Variants in CFAP74 observed in about 807,000 individuals in gnomAD.
The protein encoded by CFAP74 is cilia and flagella associated protein 74, also known as cilia- and flagella-associated protein 74.
In CFAP74, 124 loss-of-function variants were observed where a neutral mutation model predicts 188.9. The observed-to-expected ratio is 0.66, with a 90% CI of 0.57 to 0.76. The LOEUF is 0.76. Ranked by LOEUF, CFAP74 falls within the 30% of genes least tolerant of loss-of-function variation. The pLI, the probability that CFAP74 is intolerant of heterozygous loss-of-function variation, is 0.00. For missense variants in CFAP74, 2,198 were observed against 2,165.2 expected (o/e 1.02, Z -0.30); for synonymous variants, 956 against 916.7 (o/e 1.04, Z -0.77).
At chr1:1,958,174 G>A (rs1422194901) in intron 16 of CFAP74, among the ~76,000 whole-genome samples, 1 of 152,248 alleles carries the variant, frequency 6.6e-6, no homozygotes, top group African/African-American at 2.4e-5. Flanking sequence ...AAGGTGGCTT[G>A]GGGCCAGCGT....
chr1:1,922,820 A>G, intron 37 of CFAP74, 97 bp from the exon 38 acceptor site: 1 of 1,497,724 alleles, frequency 6.7e-7, no homozygotes, highest in Non-Finnish European at 8.9e-7. Flanking sequence ...TCACCCTCCC[A>G]GCTCTGACCA....
chr1:1,973,065 C>A lies in CFAP74; in HGVS notation c.675-18G>T. ...GGGACTTCCTGTGGGGATATGGGGC[C>A]GTCAGAGGGAAACTCGGCATCACAC... On this transcript the variant is annotated intron_variant, in intron 7 of 38. Coordinates refer to ENST00000682832, the MANE Select transcript of CFAP74 (RefSeq NM_001304360.2). The surrounding 1 kb of genome is among the most constrained non-coding windows in gnomAD (Gnocchi z 6.2). 1.9e-6 allele frequency: 3 copies of A among 1,584,572 alleles called. 1 individual carries two copies. The South Asian group carries it at 3.3e-5, about 18-fold the overall frequency.
intron 9 of CFAP74, 142 bp downstream of exon 9, chr1:1,971,838 G>C: frequency 1.6e-6 from 1 of 643,234 alleles, no homozygotes; most frequent in East Asian, 2.7e-5. Context: ...GCACAGGCTC[G>C]GGAAGCCTCC....
Position 1,946,378 on chromosome 1 carries a change from A to C in CFAP74, c.2303T>G (p.Val768Gly). 3.3e-6 allele frequency: 5 copies of C among 1,536,920 alleles called. No individual in the cohort carries two copies. In the South Asian group the frequency reaches 5.9e-5, roughly 18 times the overall value. Reference sequence around the variant, plus strand: ...CCTGGCTTGGACGTCGCCTGGGACGACCGGAGTGAAGACGATGGGCACCTT... The same window carrying C: ...CCTGGCTTGGACGTCGCCTGGGACGCCCGGAGTGAAGACGATGGGCACCTT... ...SIKVPIVFTP[V>G]VPGDVQARFK... The change falls in exon 20 of 39, where the codon GTC becomes GGC. Residue 768 changes from valine (V) to glycine (G), a missense_variant. By Grantham distance (109) the Val-to-Gly change is moderately radical (BLOSUM62 -3). Coordinates refer to ENST00000682832, the MANE Select transcript of CFAP74 (RefSeq NM_001304360.2).
intron 18 of CFAP74, among the ~76,000 whole-genome samples, chr1:1,951,088 AG>A (rs1435141043): frequency 6.6e-6 from 1 of 152,190 alleles, no homozygotes; most frequent in Non-Finnish European, 1.5e-5. Context: ...TAAAGGAAAG[AG>A]GTTTAATTGA....
chr1:1,963,358 GGA>G (rs1655227124), intron 14 of CFAP74, among the ~76,000 whole-genome samples: 1 of 147,364 alleles, frequency 6.8e-6, no homozygotes, highest in Admixed American at 6.9e-5. Context: ...GGCTGAGGCA[GGA>G]GAATCTCTTG....
intron 15 of CFAP74, 23 bp downstream of exon 15, chr1:1,959,941 G>A (rs1460688237): frequency 1.9e-6 from 3 of 1,564,392 alleles, no homozygotes; most frequent in East Asian, 2.5e-5. Flanking sequence ...CCCTTCGAGA[G>A]AGAACGGGCC....
rs1310055056 is a variant in CFAP74 at position 1,923,818 on chromosome 1, C to G, written c.4346G>C (p.Ser1449Thr). Reference sequence around the variant, plus strand: ...CTGGAGCTTGTCGGAGAAGTAGAGGCTTTCGTGGTCGGGGCTGAAGGTGAC... The same window carrying G: ...CTGGAGCTTGTCGGAGAAGTAGAGGGTTTCGTGGTCGGGGCTGAAGGTGAC... Reference protein sequence around the residue: ...FTVTFSPDHESLYFSDKLQVV... With the variant: ...FTVTFSPDHETLYFSDKLQVV... The change falls in exon 35 of 39, where the codon AGC (serine) becomes ACC (threonine). Residue 1449 changes from serine (S) to threonine (T), a missense_variant. By Grantham distance (58) the Ser-to-Thr change is moderately conservative (BLOSUM62 1). Transcript: ENST00000682832. This position sits in a 1 kb window ranked among gnomAD's most constrained non-coding sequence, Gnocchi z 6.3. 6.2e-7 allele frequency: 1 copy of G among 1,613,370 alleles called. No individual in the cohort carries two copies. Among genetic ancestry groups the G allele is most frequent in the Non-Finnish European group, 8.5e-7 (1 of 1,179,860 alleles).
chr1:1,922,247 AG>A lies in CFAP74; in HGVS notation c.*39del. On this transcript the variant is annotated 3_prime_UTR_variant, in exon 39 of 39. Transcript: ENST00000682832. ...GGCCCTCAGCCTGGGGAGGGCTTTGAGGGTGGACAGGAGGGCCCGAGGGTGC... is the reference window on the plus strand; with the variant it reads ...GGCCCTCAGCCTGGGGAGGGCTTTGAGGTGGACAGGAGGGCCCGAGGGTGC... 6.7e-7 allele frequency: 1 copy of A among 1,501,824 alleles called. No individual in the cohort carries two copies. The highest frequency in any genetic ancestry group is 9.2e-7 in the Non-Finnish European group (1 of 1,084,612). 93.0% of individuals were successfully genotyped at this position (1,501,824 alleles called of 1,614,324 possible).
chr1:1,993,213 A>G (rs1404437939), intron 1 of CFAP74, among the ~76,000 whole-genome samples: 1 of 151,866 alleles, frequency 6.6e-6, no homozygotes, highest in Admixed American at 6.6e-5. Flanking sequence ...AAAAAAAAAA[A>G]AAAAAGAAAC....
At chr1:1,961,593 G>A (rs1383668531) in intron 14 of CFAP74, among the ~76,000 whole-genome samples, 3 of 152,078 alleles carry the variant, frequency 2.0e-5, no homozygotes, top group Non-Finnish European at 4.4e-5. Context: ...CTCTGCACGC[G>A]CCCTCCAGAA....
chr1:2,002,975 TAACTA>T (rs1658279487), intron 1 of CFAP74, among the ~76,000 whole-genome samples: 1 of 151,942 alleles, frequency 6.6e-6, no homozygotes, highest in Non-Finnish European at 1.5e-5. Context: ...AAGTGAAAGT[TAACTA>T]TATTGTTTAG....
chr1:1,987,487 C>T (rs574165792), intron 4 of CFAP74, among the ~76,000 whole-genome samples: 3 of 151,822 alleles, frequency 2.0e-5, no homozygotes, highest in Admixed American at 6.5e-5. Flanking sequence ...CTCCTGGGGG[C>T]GACTCAGGCC....
chr1:1,925,037 C>A (rs1166924402), intron 33 of CFAP74, among the ~76,000 whole-genome samples: 3 of 151,222 alleles, frequency 2.0e-5, no homozygotes, highest in African/African-American at 7.3e-5. Context: ...CATGAGGGCA[C>A]ACACTGGTCC....
At chr1:1,983,144 G>C (rs886746233) in intron 6 of CFAP74, among the ~76,000 whole-genome samples, 1 of 152,182 alleles carries the variant, frequency 6.6e-6, no homozygotes, top group Non-Finnish European at 1.5e-5. Context: ...CACGGAGGGG[G>C]AACGCTCCCC....
chr1:1,994,650 C>T (rs1212795105), intron 1 of CFAP74, among the ~76,000 whole-genome samples: 5 of 152,280 alleles, frequency 3.3e-5, no homozygotes, highest in East Asian at 1.9e-4. Context: ...GAATTCCATG[C>T]GGCCTCCGCG....
intron 1 of CFAP74, among the ~76,000 whole-genome samples, chr1:2,003,365 C>G: frequency 6.6e-6 from 1 of 152,130 alleles, no homozygotes; most frequent in Non-Finnish European, 1.5e-5. Flanking sequence ...GGCTATGGAC[C>G]ATGCTCTCCT....
intron 4 of CFAP74, among the ~76,000 whole-genome samples, chr1:1,987,612 G>A (rs1657320448): frequency 6.6e-6 from 1 of 152,034 alleles, no homozygotes; most frequent in African/African-American, 2.4e-5. Flanking sequence ...CGCGATCTCG[G>A]CTCACTGCAA....
At chr1:1,944,291 G>A in intron 21 of CFAP74, 40 bp downstream of exon 21, 1 of 1,526,026 alleles carries the variant, frequency 6.6e-7, no homozygotes. Context: ...CACCCCGTGT[G>A]CGTGGGTCAC....
Sources: gnomAD v4.1 joint callset for allele counts (sites outside exome capture counted in the v4.1 genomes callset) on GRCh38, gnomAD v4.1.1 for gene constraint, Gnocchi (gnomAD v3.1) non-coding constraint, MANE v1.5 for transcripts, NCBI Gene and HGNC (gene_info 2026-07-23, HGNC 2026-07-21) for gene names.